The following ENOSF1 variants were observed in gnomAD, a reference collection of about 807,000 sequenced individuals.
ENOSF1 encodes the protein enolase superfamily member 1.
In ENOSF1, 73 loss-of-function variants were observed where a neutral mutation model predicts 68.2. The observed-to-expected ratio is 1.07, with a 90% CI of 0.89 to 1.30. The LOEUF (loss-of-function observed/expected upper bound fraction) is 1.30. ENOSF1 is among the 50% of genes most tolerant of loss of function. The pLI is 0.00. For synonymous variants in ENOSF1, 223 were observed against 210.4 expected (o/e 1.06, Z -0.52); for missense variants, 589 against 554.5 (o/e 1.06, Z -0.62).
chr18:694,264 G>C lies in ENOSF1; in HGVS notation c.380C>G (p.Ala127Gly), dbSNP rs370363817. The C allele has an allele frequency of 1.7e-4, 267 of 1,614,132 alleles. 8 individuals are homozygous for C. The South Asian group carries it at 2.7e-3, about 16-fold the overall frequency. Residue 127 changes from alanine to glycine, a missense_variant, in exon 4 of 16, where the codon GCC becomes GGC. By Grantham distance (60) the Ala-to-Gly change is moderately conservative. Transcript: ENST00000647584. ...AGGGGTTACCTTTCCCTCCTGCTTG[G>C]CCCACAAGTCCCACACCGCGTTTAG... ...AVLNAVWDLWAKQEGKPVWKL... is the reference protein window; with the variant it reads ...AVLNAVWDLWGKQEGKPVWKL...
Position 677,756 on chromosome 18 carries a change from G to C in ENOSF1, c.1035C>G (p.Ala345=). Reference sequence around the variant, plus strand: ...CAGCACGCTTACTTTCAAACTTTTTGGCCATCAGCAATACTGAGAGGTTCT... The same window carrying C: ...CAGCACGCTTACTTTCAAACTTTTTCGCCATCAGCAATACTGAGAGGTTCT... ...VNENLSVLLM[A]KKFEIPVCPH... is the part of the protein sequence containing the mutation. Residue 345 remains alanine, a synonymous_variant, in exon 13 of 16, where the codon GCC becomes GCG. Transcript: ENST00000647584. The C allele has an allele frequency of 6.2e-7, 1 of 1,612,360 alleles. No homozygotes were observed. Among genetic ancestry groups the C allele is most frequent in the Non-Finnish European group, 8.5e-7 (1 of 1,179,534 alleles).
rs115211320 is a variant in ENOSF1 at position 690,781 on chromosome 18, G to A, written c.536-150C>T. 5,631 of 1,489,456 alleles carry A rather than the reference G, an allele frequency of 3.8e-3. 186 individuals carry two copies. In the African/African-American group the frequency reaches 0.071, roughly 19 times the overall value. The allele number at this position is 1,489,456 out of a possible 1,614,324, so 92.3% of individuals were successfully genotyped here. ...ACACCCAGCCACAAATTACTAGGAT[G>A]TCAAACCCAGGTGATCAGGATACTC... On this transcript the variant is annotated intron_variant, in intron 7 of 15. Transcript: ENST00000647584.
chr18:688,694 G>A, intron 8 of ENOSF1, 86 bp from the exon 9 acceptor site: 1 of 1,226,768 alleles, frequency 8.2e-7, no homozygotes, highest in Non-Finnish European at 1.2e-6. Context: ...TGTTTCACAA[G>A]CATTACGGTT....
At chr18:702,027 G>A (rs531470525) in intron 2 of ENOSF1, among the ~76,000 whole-genome samples, 60 of 152,074 alleles carry the variant, frequency 3.9e-4, no homozygotes, top group African/African-American at 1.3e-3. Flanking sequence ...ACTTTGGGAG[G>A]CTGAGGCAGG....
intron 11 of ENOSF1, among the ~76,000 whole-genome samples, chr18:681,470 A>T (rs1166497698): frequency 2.6e-5 from 4 of 152,246 alleles, no homozygotes; most frequent in Admixed American, 2.0e-4. Context: ...GCTGGCATTC[A>T]GCAGGGCACA....
At chr18:690,890 C>T (rs1009093902) in intron 7 of ENOSF1, 178 bp downstream of exon 7, 1 of 1,239,820 alleles carries the variant, frequency 8.1e-7, no homozygotes, top group African/African-American at 1.5e-5. Flanking sequence ...CTGAAGCAAA[C>T]TCTGCAGTCA....
intron 11 of ENOSF1, among the ~76,000 whole-genome samples, chr18:681,495 G>A (rs1407538206): frequency 6.6e-6 from 1 of 152,232 alleles, no homozygotes; most frequent in African/African-American, 2.4e-5. Flanking sequence ...ACCTGAAAGA[G>A]CCCTAAGGAG....
In ENOSF1 at chr18:673,196, G is replaced by C. The variant is rs1017085562; in HGVS notation, c.*1109C>G. ...TTCTTTCCATAATAAAAGGCTTTGAGTTAACTCACTGAGGGTATCTGACAA... is the reference window on the plus strand; with the variant it reads ...TTCTTTCCATAATAAAAGGCTTTGACTTAACTCACTGAGGGTATCTGACAA... On this transcript the variant is annotated 3_prime_UTR_variant, in exon 16 of 16. Coordinates refer to ENST00000647584, the MANE Select transcript of ENOSF1 (RefSeq NM_017512.7). The C allele has an allele frequency of 4.2e-6, 2 of 477,290 alleles. No homozygotes were observed. Among genetic ancestry groups the C allele is most frequent in the African/African-American group, 3.8e-5 (2 of 52,686 alleles). 29.6% of individuals were successfully genotyped at this position (477,290 alleles called of 1,614,324 possible). A position where few individuals can be genotyped will look rare whatever the true frequency, so the allele number is the denominator to read the frequency against.
At chr18:677,218 G>C in intron 14 of ENOSF1, 127 bp downstream of exon 14, 1 of 746,308 alleles carries the variant, frequency 1.3e-6, no homozygotes, top group Non-Finnish European at 2.2e-6. Context: ...AACTCCGCCT[G>C]AGAGTTATAG....
chr18:667,511 T>A (rs866644710), downstream of ENOSF1, among the ~76,000 whole-genome samples: 9 of 46,066 alleles, frequency 2.0e-4, no homozygotes, highest in Admixed American at 3.4e-4. Flanking sequence ...ATGGTGATGG[T>A]GATGGTGATG....
intron 2 of ENOSF1, among the ~76,000 whole-genome samples, chr18:698,458 G>A (rs1030182698): frequency 3.9e-5 from 6 of 152,060 alleles, no homozygotes; most frequent in African/African-American, 1.4e-4. Flanking sequence ...TTTGCAATTA[G>A]CATACTATTT....
intron 5 of ENOSF1, 21 bp from the exon 6 acceptor site, chr18:691,297 G>C: frequency 6.3e-7 from 1 of 1,589,646 alleles, no homozygotes; most frequent in Non-Finnish European, 8.6e-7. Context: ...GACAGGAGGG[G>C]AAGAGGCCTG....
intron 11 of ENOSF1, among the ~76,000 whole-genome samples, chr18:681,186 A>G (rs2076042675): frequency 6.6e-6 from 1 of 152,136 alleles, no homozygotes; most frequent in Non-Finnish European, 1.5e-5. Flanking sequence ...TCATCGGAGA[A>G]GCTGCGGTGG....
downstream of ENOSF1, among the ~76,000 whole-genome samples, chr18:667,992 A>ATTTTTTTTTTTTTTTTTTTT (rs60409589): frequency 1.0e-4 from 11 of 105,358 alleles, 1 homozygote; most frequent in African/African-American, 2.7e-4. Context: ...ATTCACAGGA[A>ATTTTTTTTTTTTTTTTTTTT]TTTTTTTTTT....
At chr18:701,326 A>G (rs1386668794) in intron 2 of ENOSF1, among the ~76,000 whole-genome samples, 1 of 152,108 alleles carries the variant, frequency 6.6e-6, no homozygotes, top group Non-Finnish European at 1.5e-5. Context: ...AGTTGTACCA[A>G]GTGGGCCACT....
chr18:670,517 C>G lies in ENOSF1; in HGVS notation c.*3788G>C, dbSNP rs748572029. 1.1e-5 allele frequency: 7 copies of G among 636,968 alleles called. No individual in the cohort carries two copies. Among genetic ancestry groups the G allele is most frequent in the Non-Finnish European group, 1.9e-5 (7 of 370,858 alleles). 39.5% of individuals were successfully genotyped at this position (636,968 alleles called of 1,614,324 possible). On this transcript the variant is annotated 3_prime_UTR_variant, in exon 16 of 16. Transcript: ENST00000647584. ...AACCTTGCACCGATGGATAGTCTCCCTCAGCTCCGTGCCATCGCTGCAGAG... is the reference window on the plus strand; with the variant it reads ...AACCTTGCACCGATGGATAGTCTCCGTCAGCTCCGTGCCATCGCTGCAGAG...
At position 697,296 on chromosome 18, in the gene ENOSF1, CAAT is replaced by C. The variant is rs780009048; in HGVS notation, c.250_252del (p.Ile84del). 20 of 1,614,042 alleles carry C rather than the reference CAAT, an allele frequency of 1.2e-5. No individual in the cohort carries two copies. Among genetic ancestry groups the C allele is most frequent in the Non-Finnish European group, 1.7e-5 (20 of 1,179,946 alleles). ...CTATAGAAGCCTCTGAAGTCACCAA[CAAT>C]GTCCTTGAGGTCCTTGTTGAGCACA... On this transcript the variant is annotated inframe_deletion, in exon 3 of 16. Coordinates refer to ENST00000647584, the MANE Select transcript of ENOSF1 (RefSeq NM_017512.7).
At chr18:678,543 C>G in intron 12 of ENOSF1, 153 bp downstream of exon 12, 2 of 738,988 alleles carry the variant, frequency 2.7e-6, no homozygotes, top group Middle Eastern at 3.9e-4. Context: ...ACTCTAGACT[C>G]TGATAAAATG....
In ENOSF1 at chr18:672,748, T is replaced by C. The variant is rs2075126072; in HGVS notation, c.*1557A>G. ...CAAGGTATCGACAGGATCATACTCCTGTAAAATAGAACTTTGTTGATCACA... is the reference window on the plus strand; with the variant it reads ...CAAGGTATCGACAGGATCATACTCCCGTAAAATAGAACTTTGTTGATCACA... On this transcript the variant is annotated 3_prime_UTR_variant, in exon 16 of 16. Transcript: ENST00000647584. The C allele has an allele frequency of 1.6e-6, 2 of 1,256,716 alleles. No homozygotes were observed. Among genetic ancestry groups the C allele is most frequent in the Non-Finnish European group, 2.2e-6 (2 of 915,816 alleles). 77.8% of individuals were successfully genotyped at this position (1,256,716 alleles called of 1,614,324 possible).
Sources: allele counts gnomAD v4.1 joint callset (sites outside exome capture counted in the v4.1 genomes callset), GRCh38; gene constraint gnomAD v4.1.1; transcripts MANE v1.5; gene names NCBI Gene and HGNC (gene_info 2026-07-23, HGNC 2026-07-21).